The following GRIA3 variants were observed in gnomAD, a reference collection of about 807,000 sequenced individuals.
GRIA3 encodes glutamate receptor 3.
GRIA3 carries 3 observed loss-of-function variants against 63.0 expected under a neutral mutation model. The ratio of observed to expected loss-of-function variants is 0.05; its 90% confidence interval spans 0.02 to 0.12. The LOEUF (loss-of-function observed/expected upper bound fraction) is 0.12, where lower values mean the gene tolerates loss of function less well. Among genes scored for constraint, GRIA3 ranks in the 10% least tolerant of loss-of-function variants. GRIA3 has a pLI of 1.00. For synonymous variants in GRIA3, 274 were observed against 257.9 expected, an observed-to-expected ratio of 1.06 and a Z score of -0.60; for missense variants, 347 against 700.9, an observed-to-expected ratio of 0.50 and a Z score of 5.70.
chrX:123,309,118 C>T (rs1407433264), intron 3 of GRIA3, among the ~76,000 whole-genome samples: 1 of 111,836 alleles, frequency 8.9e-6, no homozygotes, highest in Non-Finnish European at 1.9e-5. Flanking sequence ...GGCGCAGTGG[C>T]TCATACCTGT....
At chrX:123,327,848 C>A (rs144043146) in intron 4 of GRIA3, among the ~76,000 whole-genome samples, 2,323 of 109,441 alleles carry the variant, frequency 0.021, 77 homozygotes, top group African/African-American at 0.074. Flanking sequence ...AAAAAAAATA[C>A]CTTCCTTTGA....
intron 3 of GRIA3, among the ~76,000 whole-genome samples, chrX:123,288,460 A>G (rs2044635113): frequency 8.9e-6 from 1 of 112,256 alleles, no homozygotes; most frequent in African/African-American, 3.2e-5. Flanking sequence ...AAAAGAAACT[A>G]TCATCGAGTG....
intron 12 of GRIA3, among the ~76,000 whole-genome samples, chrX:123,453,048 C>T (rs2045741822): frequency 8.9e-6 from 1 of 112,013 alleles, no homozygotes; most frequent in Non-Finnish European, 1.9e-5. Flanking sequence ...TGGGTATATA[C>T]CCAAAGGATT....
intron 13 of GRIA3, among the ~76,000 whole-genome samples, chrX:123,474,821 T>C (rs1438243431): frequency 1.8e-5 from 2 of 112,172 alleles, no homozygotes; most frequent in Non-Finnish European, 3.8e-5. Flanking sequence ...TTCTTTAAAA[T>C]GGCTGGTTGG....
chrX:123,452,362 C>CAA (rs746187960), intron 12 of GRIA3, among the ~76,000 whole-genome samples: 2 of 101,118 alleles, frequency 2.0e-5, no homozygotes, highest in African/African-American at 7.1e-5. Flanking sequence ...ACTCCCCCCC[C>CAA]AAAAAAAAAA....
At chrX:123,406,842 G>A (rs1461104996) in intron 10 of GRIA3, among the ~76,000 whole-genome samples, 1 of 111,715 alleles carries the variant, frequency 9.0e-6, no homozygotes, top group Non-Finnish European at 1.9e-5. Context: ...TGAGGACCCT[G>A]AGAAGCTCTG....
intron 5 of GRIA3, among the ~76,000 whole-genome samples, chrX:123,375,967 G>A (rs2045282333): frequency 8.9e-6 from 1 of 112,275 alleles, no homozygotes; most frequent in African/African-American, 3.2e-5. Context: ...TGAAAAACTA[G>A]CAACAGTTTG....
chrX:123,207,644 G>A (rs1217064680), intron 2 of GRIA3, among the ~76,000 whole-genome samples: 2 of 112,035 alleles, frequency 1.8e-5, no homozygotes, highest in African/African-American at 6.5e-5. Flanking sequence ...TACTTCAGTG[G>A]GGCTTGGTCC....
intron 5 of GRIA3, among the ~76,000 whole-genome samples, chrX:123,360,395 A>G (rs929143554): frequency 1.8e-5 from 2 of 109,160 alleles, no homozygotes; most frequent in African/African-American, 6.7e-5. Flanking sequence ...AAACAAGGAC[A>G]CGTTGGGCCG....
intron 2 of GRIA3, among the ~76,000 whole-genome samples, chrX:123,195,357 T>C (rs1457511732): frequency 8.9e-6 from 1 of 111,955 alleles, no homozygotes; most frequent in Non-Finnish European, 1.9e-5. Context: ...GAATGATAGG[T>C]GGTTCAAAAT....
intron 7 of GRIA3, 86 bp from the exon 8 acceptor site, chrX:123,402,908 A>C: frequency 1.9e-6 from 1 of 537,864 alleles, no homozygotes; most frequent in Admixed American, 2.3e-5. Context: ...CAAGATTCCA[A>C]GATCTGTCAG....
chrX:123,317,022 G>T (rs2044835886), intron 3 of GRIA3, among the ~76,000 whole-genome samples: 1 of 111,552 alleles, frequency 9.0e-6, no homozygotes, highest in Non-Finnish European at 1.9e-5. Flanking sequence ...ACATGGCTGG[G>T]GAGGCCTCAG....
chrX:123,453,164 G>A (rs2045742740), intron 12 of GRIA3, among the ~76,000 whole-genome samples: 1 of 111,843 alleles, frequency 8.9e-6, no homozygotes, highest in Non-Finnish European at 1.9e-5. Context: ...ATGATAGACT[G>A]GATTAAGAAA....
chrX:123,383,770 T>C (rs1007657958), intron 5 of GRIA3, among the ~76,000 whole-genome samples: 3 of 111,052 alleles, frequency 2.7e-5, no homozygotes, highest in African/African-American at 9.8e-5. Context: ...TAAACTTGTA[T>C]CACAGGAGTT....
At position 123,490,319 on chromosome X, in the gene GRIA3, C is replaced by G. The variant is rs1436243732; in HGVS notation, c.*1609C>G. The G allele has an allele frequency of 8.9e-6, 1 of 112,913 alleles. No homozygotes were observed. Among genetic ancestry groups the G allele is most frequent in the African/African-American group, 3.2e-5 (1 of 30,973 alleles). 9.3% of individuals were successfully genotyped at this position (112,913 alleles called of 1,213,427 possible). On this transcript the variant is annotated 3_prime_UTR_variant, in exon 16 of 16. Coordinates refer to ENST00000620443, the MANE Select transcript of GRIA3 (RefSeq NM_007325.5). ...GAAAAGTGTACTATAAACTTTCATT[C>G]CAAAAATGGTGTCATAAGCAAACAA...
chrX:123,288,872 G>T (rs750063844), intron 3 of GRIA3, among the ~76,000 whole-genome samples: 1 of 111,895 alleles, frequency 8.9e-6, no homozygotes, highest in East Asian at 2.8e-4. Flanking sequence ...GACTCCTCAA[G>T]GATCTAGAAC....
chrX:123,373,659 G>T (rs1180298806), intron 5 of GRIA3, among the ~76,000 whole-genome samples: 1 of 112,142 alleles, frequency 8.9e-6, no homozygotes, highest in Non-Finnish European at 1.9e-5. Context: ...CTTCTTTTGA[G>T]AAGGGTCTGT....
chrX:123,478,808 T>C (rs766736860), intron 13 of GRIA3, among the ~76,000 whole-genome samples: 1 of 112,854 alleles, frequency 8.9e-6, no homozygotes, highest in East Asian at 2.8e-4. Flanking sequence ...CAGACCAACA[T>C]GCACTAATAT....
At chrX:123,257,390 G>A (rs2044425658) in intron 3 of GRIA3, among the ~76,000 whole-genome samples, 1 of 107,450 alleles carries the variant, frequency 9.3e-6, no homozygotes, top group Non-Finnish European at 1.9e-5. Context: ...GAAAAATAAA[G>A]AAGGAAGGAA....
Sources: gnomAD v4.1 joint callset for allele counts (sites outside exome capture counted in the v4.1 genomes callset) on GRCh38, gnomAD v4.1.1 for gene constraint, MANE v1.5 for transcripts, NCBI Gene and HGNC (gene_info 2026-07-23, HGNC 2026-07-21) for gene names.